The following ABHD6 variants were observed in gnomAD, a reference collection of about 807,000 sequenced individuals.
ABHD6 encodes abhydrolase domain containing 6, acylglycerol lipase.
A neutral mutation model predicts 38.8 loss-of-function variants in ABHD6; 33 were observed. That is an observed-to-expected ratio of 0.85 (90% CI 0.64 to 1.14). ABHD6 has a LOEUF of 1.14. Among genes scored for constraint, ABHD6 ranks in the 50% most tolerant of loss-of-function variants. The probability of loss-of-function intolerance (pLI) is 0.00; values close to 1 mark genes in which losing one functional copy is unlikely to be tolerated. For synonymous variants in ABHD6, 147 were observed against 161.6 expected (o/e 0.91, Z 0.69); for missense variants, 380 against 422.6 (o/e 0.90, Z 0.88).
chr3:58,286,868 A>ATATATG (rs1559784516), intron 9 of ABHD6, among the ~76,000 whole-genome samples: 8 of 128,300 alleles, frequency 6.2e-5, no homozygotes, highest in Non-Finnish European at 1.1e-4. Flanking sequence ...ATATATATAT[A>ATATATG]TGTATATGTA....
chr3:58,282,503 G>T (rs140661429), intron 7 of ABHD6, among the ~76,000 whole-genome samples: 1 of 152,146 alleles, frequency 6.6e-6, no homozygotes, highest in Admixed American at 6.5e-5. Context: ...AGGCCAAGGC[G>T]GGTGGATTGT....
rs2097443332 is a variant in ABHD6, at chr3:58,269,521, G to A, written c.390+87G>A. On this transcript the variant is annotated intron_variant, in intron 5 of 9. Coordinates refer to ENST00000478253, the MANE Select transcript of ABHD6 (RefSeq NM_001320126.2). The surrounding 1 kb of genome is among the most constrained non-coding windows in gnomAD (Gnocchi z 4.4). ...TCTGGAGAGCAGGGAAGGGAGTCCT[G>A]TGCTACCTCATGACCAGTCTCCTGT... The A allele has an allele frequency of 3.0e-6, 3 of 1,014,182 alleles. No homozygotes were observed. Among genetic ancestry groups the A allele is most frequent in the East Asian group, 2.6e-5 (1 of 38,642 alleles). 62.8% of individuals were successfully genotyped at this position (1,014,182 alleles called of 1,614,324 possible). A position where few individuals can be genotyped will look rare whatever the true frequency, so the allele number is the denominator to read the frequency against.
At chr3:58,262,501 T>A (rs1377196482) in intron 3 of ABHD6, among the ~76,000 whole-genome samples, 2 of 152,218 alleles carry the variant, frequency 1.3e-5, no homozygotes, top group Non-Finnish European at 2.9e-5. Context: ...CAATGACTTC[T>A]GTCCCTGAAA....
In ABHD6 at chr3:58,294,237, T is replaced by C. The variant is rs1441041657; in HGVS notation, c.*472T>C. 6.5e-6 allele frequency: 1 copy of C among 153,608 alleles called. No individual in the cohort carries two copies. Among genetic ancestry groups the C allele is most frequent in the Non-Finnish European group, 1.4e-5 (1 of 68,992 alleles). 9.5% of individuals were successfully genotyped at this position (153,608 alleles called of 1,614,324 possible). On this transcript the variant is annotated 3_prime_UTR_variant, in exon 10 of 10. Coordinates refer to ENST00000478253, the MANE Select transcript of ABHD6 (RefSeq NM_001320126.2). ...GTTTAGGTCTAATTTAAGTTTTACA[T>C]AGAGACCCATGTATGACTGCAGCCC...
At chr3:58,248,542 T>C (rs2097427928) in intron 1 of ABHD6, among the ~76,000 whole-genome samples, 2 of 152,104 alleles carry the variant, frequency 1.3e-5, no homozygotes, top group South Asian at 4.2e-4. Context: ...CTACTAAAAA[T>C]ACAAAATTAG....
At chr3:58,253,113 G>A (rs1046057520) in intron 2 of ABHD6, among the ~76,000 whole-genome samples, 2 of 151,870 alleles carry the variant, frequency 1.3e-5, no homozygotes, top group African/African-American at 4.8e-5. Flanking sequence ...AGGCAGATGC[G>A]ACCTTCGCTG....
intron 1 of ABHD6, among the ~76,000 whole-genome samples, chr3:58,243,997 G>T (rs768603296): frequency 1.3e-5 from 2 of 152,152 alleles, no homozygotes; most frequent in Non-Finnish European, 2.9e-5. Flanking sequence ...ATTCATTAAT[G>T]GACTTGCCAT....
intron 2 of ABHD6, among the ~76,000 whole-genome samples, chr3:58,254,845 T>C (rs113050426): frequency 1.9e-5 from 2 of 106,672 alleles, no homozygotes; most frequent in African/African-American, 4.4e-5. Context: ...TACATATATA[T>C]GTGTATACAC....
intron 9 of ABHD6, among the ~76,000 whole-genome samples, chr3:58,292,018 A>C (rs2097463467): frequency 6.6e-6 from 1 of 152,210 alleles, no homozygotes; most frequent in African/African-American, 2.4e-5. Context: ...TATTGACTGC[A>C]TCTGCGTTTC....
At chr3:58,282,487 T>G (rs2097454063) in intron 7 of ABHD6, among the ~76,000 whole-genome samples, 1 of 152,186 alleles carries the variant, frequency 6.6e-6, no homozygotes, top group Admixed American at 6.5e-5. Context: ...TTCCCAGCAC[T>G]TTGGGAGGCC....
chr3:58,241,313 A>G (rs1333063600), intron 1 of ABHD6, among the ~76,000 whole-genome samples: 2 of 152,160 alleles, frequency 1.3e-5, no homozygotes, highest in Non-Finnish European at 2.9e-5. Context: ...AACCCTCTGG[A>G]TCCTATTTGA....
Position 58,259,605 on chromosome 3 carries a change from C to T in ABHD6, c.119+2900C>T, listed in dbSNP as rs2097435667. Among the ~76,000 whole-genome samples, 1 of 152,160 alleles carries T rather than the reference C, an allele frequency of 6.6e-6. No homozygotes were observed. The highest frequency in any genetic ancestry group is 2.4e-5 in the African/African-American group (1 of 41,424). The stretch of plus-strand genomic sequence containing the variant: ...CTGAGGCAGAAGAATCGCTTGAACC[C>T]AGGAAGCGGAGGTTGCAGTGAGCCG... On this transcript the variant is annotated intron_variant, in intron 3 of 9. Coordinates refer to ENST00000478253, the MANE Select transcript of ABHD6 (RefSeq NM_001320126.2). This position sits in a 1 kb window ranked among gnomAD's most constrained non-coding sequence, Gnocchi z 4.7.
intron 5 of ABHD6, 75 bp from the exon 6 acceptor site, chr3:58,270,857 G>A: frequency 5.5e-6 from 8 of 1,465,972 alleles, no homozygotes; most frequent in Non-Finnish European, 7.3e-6. Context: ...AAGTCCAGGG[G>A]GCTTCTATGC....
At chr3:58,276,825 C>G (rs1045525375) in intron 7 of ABHD6, among the ~76,000 whole-genome samples, 2 of 152,196 alleles carry the variant, frequency 1.3e-5, no homozygotes, top group Admixed American at 1.3e-4. Context: ...TTTCAGCTTT[C>G]TACATATGGC....
At chr3:58,248,590 C>T (rs1043588241) in intron 1 of ABHD6, among the ~76,000 whole-genome samples, 3 of 152,042 alleles carry the variant, frequency 2.0e-5, no homozygotes, top group Non-Finnish European at 4.4e-5. Flanking sequence ...CCTAGCTACT[C>T]GGGAGGCTGA....
In ABHD6 at chr3:58,284,183, GC is replaced by G. The variant is rs906486624; in HGVS notation, c.682-899del. ...CCACCACTACCTCTTTGGGTCAGTA[GC>G]CCAGGTCCAGAAGATGTGGCCTGTC... On this transcript the variant is annotated intron_variant, in intron 7 of 9. Transcript: ENST00000478253. Among the ~76,000 whole-genome samples the G allele has an allele frequency of 2.0e-5, 3 of 152,290 alleles. 1 individual carries two copies. Among genetic ancestry groups the G allele is most frequent in the African/African-American group, 2.4e-5 (1 of 41,564 alleles).
intron 7 of ABHD6, among the ~76,000 whole-genome samples, chr3:58,284,330 A>G (rs978382705): frequency 5.3e-5 from 8 of 152,182 alleles, no homozygotes; most frequent in Admixed American, 3.3e-4. Context: ...AATCTTTTCA[A>G]TAGTTTATTT....
intron 9 of ABHD6, among the ~76,000 whole-genome samples, chr3:58,290,685 T>C (rs1267773025): frequency 7.5e-6 from 1 of 132,576 alleles, no homozygotes; most frequent in East Asian, 2.4e-4. Flanking sequence ...CAGAGACGCT[T>C]CTCACCTCCC....
intron 6 of ABHD6, 125 bp from the exon 7 acceptor site, chr3:58,274,533 A>G: frequency 9.8e-7 from 1 of 1,020,388 alleles, no homozygotes; most frequent in Non-Finnish European, 1.4e-6. Context: ...AACAAAAAAG[A>G]AATCTACTCA....
Sources: allele counts gnomAD v4.1 joint callset (sites outside exome capture counted in the v4.1 genomes callset), GRCh38; gene constraint gnomAD v4.1.1; non-coding constraint Gnocchi (gnomAD v3.1); transcripts MANE v1.5; gene names NCBI Gene and HGNC (gene_info 2026-07-23, HGNC 2026-07-21).